Variants in IL22 observed in about 807,000 individuals in gnomAD.
IL22 encodes the protein interleukin 22, also known as interleukin-22.
Under a neutral mutation model 15.5 loss-of-function variants are expected in IL22, and 15 were observed. The ratio of observed to expected loss-of-function variants is 0.97; its 90% CI spans 0.65 to 1.49. The LOEUF (loss-of-function observed/expected upper bound fraction) is 1.49, where lower values mean the gene tolerates loss of function less well. Among genes scored for constraint, IL22 ranks in the 40% most tolerant of loss-of-function variants. IL22 has a pLI of 0.00. For synonymous variants in IL22, 91 were observed against 82.0 expected, an observed-to-expected ratio of 1.11 and a Z score of -0.60; for missense variants, 225 against 215.4, an observed-to-expected ratio of 1.04 and a Z score of -0.28.
intron 4 of IL22, 88 bp from the exon 5 acceptor site, chr12:68,251,666 C>T: frequency 1.0e-6 from 1 of 974,734 alleles, no homozygotes; most frequent in South Asian, 1.4e-5. Flanking sequence ...TACAATTCAC[C>T]TGGAATTAAA....
At chr12:68,253,235 C>T (rs753009899) in intron 2 of IL22, 28 bp downstream of exon 2, 5 of 1,578,564 alleles carry the variant, frequency 3.2e-6, no homozygotes, top group South Asian at 2.3e-5. Flanking sequence ...GTAGATCCAA[C>T]GAGAAAGAGC....
intron 5 of IL22, among the ~76,000 whole-genome samples, chr12:68,250,661 C>T (rs1869896354): frequency 6.6e-6 from 1 of 152,112 alleles, no homozygotes; most frequent in Admixed American, 6.5e-5. Context: ...CATTGTTGTT[C>T]TTTTCACCAA....
chr12:68,253,316 AC>A lies in IL22; in HGVS notation c.132del (p.Lys44AsnfsTer42). ...GTGATATAGGGCTGCTGGAAGTTGG[AC>A]TTGTCAAGCCTGCAGTGGGAGCTGA... ...APISSHCRLD[K>X]SNFQQPYITN... On this transcript the variant is annotated frameshift_variant, in exon 2 of 6. Transcript: ENST00000538666. LOFTEE classifies it high-confidence loss of function. The A allele has an allele frequency of 6.2e-7, 1 of 1,613,824 alleles. No individual in the cohort carries two copies. Among genetic ancestry groups the A allele is most frequent in the Non-Finnish European group, 8.5e-7 (1 of 1,179,832 alleles).
chr12:68,251,803 G>A (rs751482466), intron 4 of IL22, among the ~76,000 whole-genome samples: 3 of 152,120 alleles, frequency 2.0e-5, no homozygotes, highest in Non-Finnish European at 4.4e-5. Context: ...TCATCTTTGG[G>A]AAATCCTACT....
chr12:68,252,134 A>C (rs550134424), intron 4 of IL22, among the ~76,000 whole-genome samples: 3 of 152,038 alleles, frequency 2.0e-5, no homozygotes, highest in Admixed American at 1.3e-4. Flanking sequence ...TTTCTCTTCT[A>C]ATTTCTCTCC....
chr12:68,251,648 A>T (rs1869936037), intron 4 of IL22, 70 bp from the exon 5 acceptor site: 1 of 1,145,890 alleles, frequency 8.7e-7, no homozygotes, highest in East Asian at 2.4e-5. Context: ...ACACCCATGG[A>T]GGTACAGTAC....
At position 68,248,558 on chromosome 12, in the gene IL22, A is replaced by G. The variant is rs992543564; in HGVS notation, c.*241T>C. 2.5e-6 allele frequency: 1 copy of G among 406,832 alleles called. No individual in the cohort carries two copies. Among genetic ancestry groups the G allele is most frequent in the Non-Finnish European group, 4.4e-6 (1 of 228,926 alleles). 25.2% of individuals were successfully genotyped at this position (406,832 alleles called of 1,614,324 possible). Reference sequence around the variant, plus strand: ...AATTGTTTTCTGTGTATAGAACACCAGTTACAATGAAATGTTATCAATAAA... The same window carrying G: ...AATTGTTTTCTGTGTATAGAACACCGGTTACAATGAAATGTTATCAATAAA... On this transcript the variant is annotated 3_prime_UTR_variant, in exon 6 of 6. Transcript: ENST00000538666.
At position 68,248,702 on chromosome 12, in the gene IL22, A is replaced by T; in HGVS notation, c.*97T>A. The T allele has an allele frequency of 1.1e-6, 1 of 926,950 alleles. No homozygotes were observed. Among genetic ancestry groups the T allele is most frequent in the Non-Finnish European group, 1.7e-6 (1 of 592,298 alleles). The allele number at this position is 926,950 out of a possible 1,614,324, so 57.4% of individuals were successfully genotyped here. On this transcript the variant is annotated 3_prime_UTR_variant, in exon 6 of 6. Transcript: ENST00000538666. ...CCATCATGATGGAGTTTGGCTTCCC[A>T]TCTTCCTTTTGGTTAAAAAAAATCG...
At chr12:68,251,644 A>G (rs965473815) in intron 4 of IL22, 66 bp from the exon 5 acceptor site, 1 of 1,130,900 alleles carries the variant, frequency 8.8e-7, no homozygotes, top group Admixed American at 1.7e-5. Flanking sequence ...CTCCACACCC[A>G]TGGAGGTACA....
At chr12:68,252,399 C>A in intron 4 of IL22, 105 bp downstream of exon 4, 1 of 1,158,104 alleles carries the variant, frequency 8.6e-7, no homozygotes, top group Non-Finnish European at 1.3e-6. Flanking sequence ...ACACTTCTTC[C>A]TGCTAGCTTA....
In IL22 at chr12:68,248,655, C is replaced by T; in HGVS notation, c.*144G>A. On this transcript the variant is annotated 3_prime_UTR_variant, in exon 6 of 6. Transcript: ENST00000538666. ...GCATTGGTTTCCTTTGTAACTAACG[C>T]AGGGGTTCATTTGGAATCCACCCAT... The T allele has an allele frequency of 3.0e-6, 2 of 656,056 alleles. No individual in the cohort carries two copies. Among genetic ancestry groups the T allele is most frequent in the South Asian group, 3.9e-5 (2 of 50,640 alleles). The allele number at this position is 656,056 out of a possible 1,614,324, so 40.6% of individuals were successfully genotyped here.
At chr12:68,249,949 G>A (rs553798934) in intron 5 of IL22, among the ~76,000 whole-genome samples, 6 of 151,870 alleles carry the variant, frequency 4.0e-5, no homozygotes, top group South Asian at 2.1e-4. Flanking sequence ...AAAGTTTATC[G>A]TCCCCTACTG....
rs933441215 is a variant in IL22, at chr12:68,248,468, G to GT, written c.*330dup. On this transcript the variant is annotated 3_prime_UTR_variant, in exon 6 of 6. Transcript: ENST00000538666. ...TATGGAAACATGAAGCTATTTAGGG[G>GT]TTTTTTCCCCTAAAGGAATGGAAAG... The GT allele has an allele frequency of 3.0e-5, 5 of 167,178 alleles. No individual in the cohort carries two copies. Among genetic ancestry groups the GT allele is most frequent in the East Asian group, 3.1e-4 (2 of 6,350 alleles). The allele number at this position is 167,178 out of a possible 1,614,324, so 10.4% of individuals were successfully genotyped here. A position where few individuals can be genotyped will look rare whatever the true frequency, so the allele number is the denominator to read the frequency against.
In IL22 at chr12:68,248,670, A is replaced by G; in HGVS notation, c.*129T>C. 7.1e-6 allele frequency: 5 copies of G among 700,614 alleles called. No individual in the cohort carries two copies. The highest frequency in any genetic ancestry group is 1.2e-5 in the Non-Finnish European group (5 of 404,716). The allele number at this position is 700,614 out of a possible 1,614,324, so 43.4% of individuals were successfully genotyped here. ...GTAACTAACGCAGGGGTTCATTTGG[A>G]ATCCACCCATCATGATGGAGTTTGG... On this transcript the variant is annotated 3_prime_UTR_variant, in exon 6 of 6. Transcript: ENST00000538666.
At position 68,248,863 on chromosome 12, in the gene IL22, C is replaced by G. The variant is rs1869826283; in HGVS notation, c.476G>C (p.Gly159Ala). The part of the protein sequence containing the change: ...KDTVKKLGES[G>A]EIKAIGELDL... ...CAGTTCTCCAATTGCTTTGATCTCT[C>G]CACTCTCTCCAAGCTGTGAAAATAA... The change falls in exon 6 of 6, where the codon GGA becomes GCA. Residue 159 changes from glycine (G) to alanine (A), a missense_variant. Transcript: ENST00000538666. 1 of 1,612,294 alleles carries G rather than the reference C, an allele frequency of 6.2e-7. No individual in the cohort carries two copies. Among genetic ancestry groups the G allele is most frequent in the South Asian group, 1.1e-5 (1 of 90,920 alleles).
At chr12:68,253,090 G>GGA (rs572300160) in intron 2 of IL22, among the ~76,000 whole-genome samples, 173 bp downstream of exon 2, 3 of 142,590 alleles carry the variant, frequency 2.1e-5, no homozygotes, top group African/African-American at 5.1e-5. Flanking sequence ...AGAAGTTCAA[G>GGA]AAAAAAAAAA....
rs892526651 is a variant in IL22, at chr12:68,248,654, G to T, written c.*145C>A. The T allele has an allele frequency of 1.2e-5, 8 of 650,336 alleles. No homozygotes were observed. The highest frequency in any genetic ancestry group is 2.2e-5 in the Non-Finnish European group (8 of 368,472). 40.3% of individuals were successfully genotyped at this position (650,336 alleles called of 1,614,324 possible). On this transcript the variant is annotated 3_prime_UTR_variant, in exon 6 of 6. Coordinates refer to ENST00000538666, the MANE Select transcript of IL22 (RefSeq NM_020525.5). ...GGCATTGGTTTCCTTTGTAACTAAC[G>T]CAGGGGTTCATTTGGAATCCACCCA...
In IL22 at chr12:68,252,594, T is replaced by A; in HGVS notation, c.306A>T (p.Glu102Asp). 6.2e-7 allele frequency: 1 copy of A among 1,614,016 alleles called. No individual in the cohort carries two copies. Among genetic ancestry groups the A allele is most frequent in the Non-Finnish European group, 8.5e-7 (1 of 1,179,918 alleles). ...MKQVLNFTLEEVLFPQSDRFQ... is the reference protein window; with the variant it reads ...MKQVLNFTLEDVLFPQSDRFQ... ...ACCTATCAGATTGAGGGAACAGCACTTCTTCAAGGGTGAAGTTCAGCACCT... is the reference window on the plus strand; with the variant it reads ...ACCTATCAGATTGAGGGAACAGCACATCTTCAAGGGTGAAGTTCAGCACCT... Residue 102 changes from glutamate (E) to aspartate (D), a missense_variant, in exon 4 of 6, where the codon GAA becomes GAT. Coordinates refer to ENST00000538666, the MANE Select transcript of IL22 (RefSeq NM_020525.5).
chr12:68,251,248 C>T (rs1421200163), intron 5 of IL22, among the ~76,000 whole-genome samples: 1 of 152,136 alleles, frequency 6.6e-6, no homozygotes, highest in Non-Finnish European at 1.5e-5. Context: ...AGCCCTATCT[C>T]TGCCACTGAC....
Sources: allele counts gnomAD v4.1 joint callset (sites outside exome capture counted in the v4.1 genomes callset), GRCh38; gene constraint gnomAD v4.1.1; transcripts MANE v1.5; gene names NCBI Gene and HGNC (gene_info 2026-07-23, HGNC 2026-07-21).